Variants in GTF2A1L observed in about 807,000 individuals in gnomAD.
GTF2A1L encodes the protein TFIIA-alpha and beta-like factor.
A neutral mutation model predicts 49.7 loss-of-function variants in GTF2A1L; 48 were observed. The observed-to-expected ratio is 0.97, with a 90% CI of 0.77 to 1.23. GTF2A1L has a LOEUF of 1.23. Ranked by LOEUF, GTF2A1L falls within the 50% of genes most tolerant of loss-of-function variation. GTF2A1L has a pLI of 0.00. For synonymous variants in GTF2A1L, 246 were observed against 193.5 expected (o/e 1.27, Z -2.25); for missense variants, 736 against 564.8 (o/e 1.30, Z -3.07).
chr2:48,649,527 G>A (rs1209410728), intron 6 of GTF2A1L, among the ~76,000 whole-genome samples: 2 of 152,138 alleles, frequency 1.3e-5, no homozygotes, highest in Non-Finnish European at 2.9e-5. Context: ...CTTAATAATT[G>A]TATGACTTAG....
intron 7 of GTF2A1L, 94 bp downstream of exon 7, chr2:48,670,076 C>G: frequency 6.8e-7 from 1 of 1,474,962 alleles, no homozygotes; most frequent in Non-Finnish European, 9.0e-7. Flanking sequence ...CAAGATTAAT[C>G]TTTTCTTTAC....
chr2:48,662,214 A>G (rs1678548420), intron 6 of GTF2A1L, among the ~76,000 whole-genome samples: 1 of 152,180 alleles, frequency 6.6e-6, no homozygotes, highest in Non-Finnish European at 1.5e-5. Flanking sequence ...TTACTTCTTC[A>G]TATTTTATTT....
intron 6 of GTF2A1L, among the ~76,000 whole-genome samples, chr2:48,665,989 T>A (rs1222866077): frequency 2.0e-5 from 3 of 152,130 alleles, no homozygotes; most frequent in Non-Finnish European, 4.4e-5. Flanking sequence ...TGTAGGTATA[T>A]AAGTATTTAG....
Position 48,679,365 on chromosome 2 carries a change from T to C in GTF2A1L, c.1360T>C (p.Tyr454His). 1 of 1,611,192 alleles carries C rather than the reference T, an allele frequency of 6.2e-7. No homozygotes were observed. The highest frequency in any genetic ancestry group is 8.5e-7 in the Non-Finnish European group (1 of 1,178,778). ...IHRSKNKWKF[Y>H]LKDGVMCFGG... Reference sequence around the variant, plus strand: ...TCGAAGCAAGAACAAATGGAAATTCTATTTGAAAGATGGTGTTATGTGTTT... The same window carrying C: ...TCGAAGCAAGAACAAATGGAAATTCCATTTGAAAGATGGTGTTATGTGTTT... The change falls in exon 9 of 9, where the codon TAT becomes CAT. Residue 454 changes from tyrosine (Y) to histidine (H), a missense_variant. Tyr to His is a moderately conservative substitution (Grantham distance 83, BLOSUM62 2). Coordinates refer to ENST00000403751, the MANE Select transcript of GTF2A1L (RefSeq NM_006872.5).
intron 6 of GTF2A1L, among the ~76,000 whole-genome samples, chr2:48,666,461 G>A (rs1221449461): frequency 1.3e-5 from 2 of 152,028 alleles, no homozygotes; most frequent in African/African-American, 2.4e-5. Context: ...TGCCCACCTC[G>A]GCCTGCCAGA....
chr2:48,647,307 A>G (rs1422833854), intron 6 of GTF2A1L, among the ~76,000 whole-genome samples: 1 of 152,168 alleles, frequency 6.6e-6, no homozygotes, highest in Non-Finnish European at 1.5e-5. Flanking sequence ...AACCAAGAAG[A>G]TTCTTTCTTT....
At chr2:48,644,702 G>A (rs1327792405) in intron 4 of GTF2A1L, among the ~76,000 whole-genome samples, 1 of 152,144 alleles carries the variant, frequency 6.6e-6, no homozygotes, top group Non-Finnish European at 1.5e-5. Context: ...AACACTGGAT[G>A]TTATCAGTCT....
chr2:48,654,114 A>G (rs953281848), intron 6 of GTF2A1L, among the ~76,000 whole-genome samples: 7 of 152,090 alleles, frequency 4.6e-5, no homozygotes, highest in African/African-American at 1.7e-4. Flanking sequence ...TCTACCAGCA[A>G]TGTATAAGAT....
At chr2:48,669,571 A>G in intron 6 of GTF2A1L, 151 bp from the exon 7 acceptor site, 1 of 907,988 alleles carries the variant, frequency 1.1e-6, no homozygotes, top group Non-Finnish European at 1.5e-6. Context: ...TGCTAGGCTT[A>G]TTCTAAAATT....
At chr2:48,633,379 G>C (rs186469842) in intron 3 of GTF2A1L, 4 of 153,578 alleles carry the variant, frequency 2.6e-5, no homozygotes, top group South Asian at 2.1e-4. Context: ...AGGGAGATGC[G>C]GTGGTGCTGG....
At position 48,633,342 on chromosome 2, in the gene GTF2A1L, C is replaced by T. The variant is rs549957126; in HGVS notation, c.248-9060C>T. 1.1e-3 allele frequency: 175 copies of T among 154,012 alleles called. 1 individual carries two copies. Among genetic ancestry groups the T allele is most frequent in the Non-Finnish European group, 6.5e-4 (45 of 68,998 alleles). 9.5% of individuals were successfully genotyped at this position (154,012 alleles called of 1,614,324 possible). A position where few individuals can be genotyped will look rare whatever the true frequency, so the allele number is the denominator to read the frequency against. ...ACAGCTCATCATGGCTGATAAGGTCCGGGTAGATAATCTTGATGGCAGCTG... is the reference window on the plus strand; with the variant it reads ...ACAGCTCATCATGGCTGATAAGGTCTGGGTAGATAATCTTGATGGCAGCTG... On this transcript the variant is annotated intron_variant, in intron 3 of 8. Coordinates refer to ENST00000403751, the MANE Select transcript of GTF2A1L (RefSeq NM_006872.5).
At chr2:48,618,030 G>T (rs1675761398) in intron 1 of GTF2A1L, 135 bp downstream of exon 1, 1 of 918,286 alleles carries the variant, frequency 1.1e-6, no homozygotes, top group Admixed American at 2.9e-5. Flanking sequence ...TTAGGGGCTG[G>T]GGCTCTTCTT....
chr2:48,675,596 T>C (rs1383828935), intron 8 of GTF2A1L, among the ~76,000 whole-genome samples: 1 of 151,986 alleles, frequency 6.6e-6, no homozygotes, highest in African/African-American at 2.4e-5. Flanking sequence ...TATAAGGATT[T>C]AAATAATAAA....
intron 6 of GTF2A1L, among the ~76,000 whole-genome samples, chr2:48,659,801 T>C (rs551500007): frequency 6.6e-6 from 1 of 152,288 alleles, no homozygotes; most frequent in East Asian, 1.9e-4. Context: ...CAGCTGATTT[T>C]GGTGTGTTGA....
intron 3 of GTF2A1L, among the ~76,000 whole-genome samples, chr2:48,630,427 G>T (rs1676510528): frequency 6.9e-6 from 1 of 143,998 alleles, no homozygotes; most frequent in Admixed American, 7.1e-5. Context: ...CTTGAACGTT[G>T]TTGGTGTAAA....
intron 3 of GTF2A1L, chr2:48,633,279 C>G (rs1676688512): frequency 6.3e-6 from 1 of 159,610 alleles, no homozygotes; most frequent in African/African-American, 2.4e-5. Context: ...CCAGGCACAG[C>G]CAGTCTGCAA....
intron 6 of GTF2A1L, among the ~76,000 whole-genome samples, chr2:48,656,348 GTTTTTTTTTTTT>G (rs367837291): frequency 7.0e-5 from 8 of 114,540 alleles, no homozygotes; most frequent in South Asian, 2.7e-4. Context: ...CTTATTTTCT[GTTTTTTTTTTTT>G]TTTTTTTTTT....
At chr2:48,652,711 T>G (rs891468845) in intron 6 of GTF2A1L, among the ~76,000 whole-genome samples, 1 of 151,392 alleles carries the variant, frequency 6.6e-6, no homozygotes, top group Non-Finnish European at 1.5e-5. Flanking sequence ...TTATTTATTT[T>G]TGAGATGGAG....
At position 48,646,967 on chromosome 2, in the gene GTF2A1L, T is replaced by C. The variant is rs1028685343; in HGVS notation, c.903T>C (p.Asn301=). ...VTDIQLHILK[N]RMYGCDSVKQ... is the part of the protein sequence containing the mutation. ...ATATTCAGCTTCATATTCTTAAAAA[T>C]AGGATGTATGGATGTGATTCTGTAA... Residue 301 remains asparagine (N), a synonymous_variant, in exon 6 of 9, where the codon AAT becomes AAC. Coordinates refer to ENST00000403751, the MANE Select transcript of GTF2A1L (RefSeq NM_006872.5). The C allele has an allele frequency of 6.2e-7, 1 of 1,614,134 alleles. No individual in the cohort carries two copies. Among genetic ancestry groups the C allele is most frequent in the Non-Finnish European group, 8.5e-7 (1 of 1,180,022 alleles).
Sources: gnomAD v4.1 joint callset for allele counts (sites outside exome capture counted in the v4.1 genomes callset) on GRCh38, gnomAD v4.1.1 for gene constraint, MANE v1.5 for transcripts, NCBI Gene and HGNC (gene_info 2026-07-23, HGNC 2026-07-21) for gene names.